CLEC16A: variants seen among roughly 807,000 people sequenced by gnomAD.
The protein encoded by CLEC16A is protein CLEC16A.
A neutral mutation model predicts 109.5 loss-of-function variants in CLEC16A; 51 were observed. The observed-to-expected ratio is 0.47, with a 90% CI of 0.37 to 0.59. The LOEUF (loss-of-function observed/expected upper bound fraction) is 0.59, where lower values mean the gene tolerates loss of function less well. Ranked by LOEUF, CLEC16A falls within the 20% of genes least tolerant of loss-of-function variation. The pLI is 0.00. For missense variants in CLEC16A, 1,339 were observed against 1,394.0 expected (o/e 0.96, Z 0.63); for synonymous variants, 673 against 564.2 (o/e 1.19, Z -2.73).
chr16:10,997,158 C>T (rs1167642887), intron 10 of CLEC16A, among the ~76,000 whole-genome samples: 1 of 152,120 alleles, frequency 6.6e-6, no homozygotes, highest in Non-Finnish European at 1.5e-5. Context: ...GACAAGGTCT[C>T]ACCATGCTTC....
At chr16:11,068,704 C>T (rs1044793859) in intron 19 of CLEC16A, among the ~76,000 whole-genome samples, 2 of 152,272 alleles carry the variant, frequency 1.3e-5, no homozygotes, top group African/African-American at 2.4e-5. Flanking sequence ...GGTCAGCAGA[C>T]CTATTCAGCC....
chr16:11,052,369 C>T (rs1273579127), intron 18 of CLEC16A, among the ~76,000 whole-genome samples: 2 of 152,156 alleles, frequency 1.3e-5, no homozygotes, highest in Non-Finnish European at 2.9e-5. Context: ...CCTTTATCAT[C>T]TGAGTTAATT....
At position 10,959,016 on chromosome 16, in the gene CLEC16A, TG is replaced by T. The variant is rs1179953862; in HGVS notation, c.209+1107del. Reference sequence around the variant, plus strand: ...GGTTATGACAACCACTAAACACGGGTGTGTGTGTGTGTGTGTGTGTGTGTGT... The same window carrying T: ...GGTTATGACAACCACTAAACACGGGTTGTGTGTGTGTGTGTGTGTGTGTGT... On this transcript the variant is annotated intron_variant, in intron 2 of 23. Coordinates refer to ENST00000409790, the MANE Select transcript of CLEC16A (RefSeq NM_015226.3). 5.8e-5 allele frequency among the ~76,000 whole-genome samples: 5 copies of T among 86,370 alleles called. No individual in the cohort carries two copies. The Middle Eastern group carries it at 0.034, about 596-fold the overall frequency. The allele number at this position is 86,370 out of a possible 152,430, so 56.7% of individuals were successfully genotyped here.
At chr16:11,027,245 G>C in intron 13 of CLEC16A, 1 of 1,539,666 alleles carries the variant, frequency 6.5e-7, no homozygotes, top group Non-Finnish European at 8.9e-7. Context: ...GACTAGAAGT[G>C]AAACCTCATG....
At chr16:10,985,826 C>G (rs958299682) in intron 10 of CLEC16A, among the ~76,000 whole-genome samples, 1 of 150,984 alleles carries the variant, frequency 6.6e-6, no homozygotes, top group Non-Finnish European at 1.5e-5. Context: ...AAGCGTCAGC[C>G]TCCCAAGTAG....
chr16:11,165,169 G>C lies in CLEC16A; in HGVS notation c.2642-1219G>C, dbSNP rs140586346. Among the ~76,000 whole-genome samples, 4 of 152,142 alleles carry C rather than the reference G, an allele frequency of 2.6e-5. No homozygotes were observed. The East Asian group carries it at 7.7e-4, about 29-fold the overall frequency. On this transcript the variant is annotated intron_variant, in intron 22 of 23. Coordinates refer to ENST00000409790, the MANE Select transcript of CLEC16A (RefSeq NM_015226.3). ...CCACCAGAAGAGGGGCTCCTGGGCCGGATAAAAGGGGCTTTGATTTATCGT... is the reference window on the plus strand; with the variant it reads ...CCACCAGAAGAGGGGCTCCTGGGCCCGATAAAAGGGGCTTTGATTTATCGT...
intron 22 of CLEC16A, among the ~76,000 whole-genome samples, chr16:11,158,471 C>T (rs569759654): frequency 2.7e-4 from 41 of 152,304 alleles, no homozygotes; most frequent in African/African-American, 9.4e-4. Flanking sequence ...AATCTTAGAG[C>T]TTTTTCCTAA....
chr16:11,164,532 G>A (rs1429842391), intron 22 of CLEC16A, among the ~76,000 whole-genome samples: 1 of 152,210 alleles, frequency 6.6e-6, no homozygotes, highest in African/African-American at 2.4e-5. Flanking sequence ...TGGGAAGTGA[G>A]CAGAGGAGGG....
Position 11,136,704 on chromosome 16 carries a change from C to A in CLEC16A, c.2641+10558C>A, listed in dbSNP as rs774786282. Among the ~76,000 whole-genome samples the A allele has an allele frequency of 2.8e-4, 42 of 152,352 alleles. 1 individual carries two copies. In the Middle Eastern group the frequency reaches 0.02, roughly 74 times the overall value. The stretch of plus-strand genomic sequence containing the variant: ...AGCAGGCAGAATTTTCCTCCTCACA[C>A]AGAAGAGATCCTGTAATCTGCCTGA... On this transcript the variant is annotated intron_variant, in intron 22 of 23. Coordinates refer to ENST00000409790, the MANE Select transcript of CLEC16A (RefSeq NM_015226.3).
At chr16:11,088,923 C>T (rs2050155251) in intron 19 of CLEC16A, among the ~76,000 whole-genome samples, 1 of 152,182 alleles carries the variant, frequency 6.6e-6, no homozygotes, top group African/African-American at 2.4e-5. Flanking sequence ...GTAAAAGGCT[C>T]AAACAGTGCA....
intron 3 of CLEC16A, 45 bp from the exon 4 acceptor site, chr16:10,969,116 T>G (rs573304526): frequency 7.8e-6 from 12 of 1,546,870 alleles, no homozygotes; most frequent in Non-Finnish European, 1.1e-5. Context: ...TGGCTTATCT[T>G]TCCTCCAGCA....
At chr16:11,135,357 C>T (rs891997027) in intron 22 of CLEC16A, among the ~76,000 whole-genome samples, 3 of 152,194 alleles carry the variant, frequency 2.0e-5, no homozygotes, top group African/African-American at 4.8e-5. Flanking sequence ...TTCCCGGATC[C>T]GGGCCTGCAA....
At chr16:11,023,642 T>C (rs2046247736) in intron 12 of CLEC16A, among the ~76,000 whole-genome samples, 1 of 151,662 alleles carries the variant, frequency 6.6e-6, no homozygotes, top group African/African-American at 2.4e-5. Context: ...CAATGAAATA[T>C]TTTGTATCAG....
At chr16:11,089,629 G>A (rs775357905) in intron 19 of CLEC16A, among the ~76,000 whole-genome samples, 9 of 152,140 alleles carry the variant, frequency 5.9e-5, no homozygotes, top group African/African-American at 9.7e-5. Context: ...CCAGCATGAC[G>A]AGCAGAAGCT....
Position 11,047,356 on chromosome 16 carries a change from T to C in CLEC16A, c.1866+14T>C. 1 of 1,603,256 alleles carries C rather than the reference T, an allele frequency of 6.2e-7. No homozygotes were observed. The highest frequency in any genetic ancestry group is 8.5e-7 in the Non-Finnish European group (1 of 1,174,694). On this transcript the variant is annotated intron_variant, in intron 17 of 23. Transcript: ENST00000409790. ...AGGAGCATGACAGTAAGTGAGGGGC[T>C]GGGACACACTTGGGCTGGTGTGCGC...
At chr16:11,045,786 C>G (rs1266450256) in intron 16 of CLEC16A, among the ~76,000 whole-genome samples, 1 of 152,212 alleles carries the variant, frequency 6.6e-6, no homozygotes, top group East Asian at 1.9e-4. Context: ...TCCTTGTCCC[C>G]TGTACTTTCA....
At chr16:11,005,614 G>T (rs1372471155) in intron 11 of CLEC16A, among the ~76,000 whole-genome samples, 1 of 152,212 alleles carries the variant, frequency 6.6e-6, no homozygotes, top group African/African-American at 2.4e-5. Flanking sequence ...CCAGGCAACA[G>T]CACTTGTATT....
chr16:11,127,311 A>G (rs1204246660), intron 22 of CLEC16A, among the ~76,000 whole-genome samples: 1 of 152,188 alleles, frequency 6.6e-6, no homozygotes. Flanking sequence ...ATTTTGTCAT[A>G]TGGATGGGCA....
At chr16:11,168,557 TG>T (rs1351927135) in intron 23 of CLEC16A, among the ~76,000 whole-genome samples, 9 of 152,368 alleles carry the variant, frequency 5.9e-5, no homozygotes, top group Middle Eastern at 3.4e-3. Context: ...CCATGCCCGG[TG>T]GGCAGCCTGG....
Sources: allele counts gnomAD v4.1 joint callset (sites outside exome capture counted in the v4.1 genomes callset), GRCh38; gene constraint gnomAD v4.1.1; transcripts MANE v1.5; gene names NCBI Gene and HGNC (gene_info 2026-07-23, HGNC 2026-07-21).